The following CDH12 variants were observed in gnomAD, a reference collection of about 807,000 sequenced individuals.
The protein encoded by CDH12 is cadherin 12.
CDH12 carries 41 observed loss-of-function variants against 74.1 expected under a neutral mutation model. The observed-to-expected ratio is 0.55, with a 90% CI of 0.43 to 0.72. CDH12 has a LOEUF of 0.72. Among genes scored for constraint, CDH12 ranks in the 30% least tolerant of loss-of-function variants. CDH12 has a pLI of 0.00. For synonymous variants in CDH12, 399 were observed against 355.0 expected (o/e 1.12, Z -1.39); for missense variants, 945 against 977.2 (o/e 0.97, Z 0.44).
chr5:22,679,111 G>A (rs543876444), intron 1 of CDH12, among the ~76,000 whole-genome samples: 9 of 152,036 alleles, frequency 5.9e-5, no homozygotes, highest in East Asian at 5.8e-4. Flanking sequence ...TAAAACATAC[G>A]CCTCTAGGCA....
intron 3 of CDH12, among the ~76,000 whole-genome samples, chr5:22,224,051 CA>C (rs1752106228): frequency 1.3e-5 from 2 of 152,064 alleles, no homozygotes; most frequent in South Asian, 4.1e-4. Flanking sequence ...TTCTTGCACA[CA>C]AGTGAGTAAT....
rs115185618 is a variant in CDH12, at chr5:22,480,720, G to A, written c.-428+24550C>T. Among the ~76,000 whole-genome samples the A allele has an allele frequency of 8.7e-3, 1,327 of 152,198 alleles. 9 individuals are homozygous for A. The highest frequency in any genetic ancestry group is 0.012 in the Non-Finnish European group (843 of 68,008). On this transcript the variant is annotated intron_variant, in intron 2 of 14. Transcript: ENST00000382254. ...CAAACAAGTTTCCAAAGGTGTTGCCGATCAATAGGACTGCCATAGTTTTTT... is the reference window on the plus strand; with the variant it reads ...CAAACAAGTTTCCAAAGGTGTTGCCAATCAATAGGACTGCCATAGTTTTTT...
At chr5:22,471,211 T>G (rs541345299) in intron 2 of CDH12, among the ~76,000 whole-genome samples, 1 of 152,352 alleles carries the variant, frequency 6.6e-6, no homozygotes, top group East Asian at 1.9e-4. Context: ...CCTAAAGGTA[T>G]GAATGTTCTC....
At chr5:22,254,378 T>A (rs1471494135) in intron 3 of CDH12, among the ~76,000 whole-genome samples, 1 of 151,908 alleles carries the variant, frequency 6.6e-6, no homozygotes, top group Admixed American at 6.6e-5. Context: ...AGTAAGCATA[T>A]TAATGAGTAT....
At chr5:21,883,293 C>G in intron 6 of CDH12, 1 of 1,469,134 alleles carries the variant, frequency 6.8e-7, no homozygotes, top group Non-Finnish European at 9.5e-7. Context: ...ATCAAAAGGT[C>G]AGAAATGTGA....
chr5:22,852,755 C>T (rs1390534890), intron 1 of CDH12, among the ~76,000 whole-genome samples: 3 of 152,208 alleles, frequency 2.0e-5, no homozygotes, highest in Non-Finnish European at 2.9e-5. Context: ...AGCACACCTA[C>T]TTATTTTCAT....
intron 1 of CDH12, among the ~76,000 whole-genome samples, chr5:22,619,731 C>CA (rs5866580): frequency 0.071 from 10,102 of 141,816 alleles, 416 homozygotes; most frequent in East Asian, 0.24. Flanking sequence ...ATTTTCTAAA[C>CA]AAAAAAAAAA....
chr5:22,270,910 G>A (rs571507538), intron 3 of CDH12, among the ~76,000 whole-genome samples: 32 of 152,034 alleles, frequency 2.1e-4, no homozygotes, highest in African/African-American at 6.5e-4. Flanking sequence ...TCCTGACCTC[G>A]TGATCTACCT....
chr5:22,717,371 G>A (rs181804649), intron 1 of CDH12, among the ~76,000 whole-genome samples: 4 of 152,226 alleles, frequency 2.6e-5, no homozygotes, highest in Non-Finnish European at 2.9e-5. Flanking sequence ...GATCAGTAAC[G>A]TAGGAGCAAC....
At chr5:22,043,429 A>G (rs769799639) in intron 5 of CDH12, among the ~76,000 whole-genome samples, 19 of 152,310 alleles carry the variant, frequency 1.2e-4, no homozygotes, top group Middle Eastern at 3.4e-3. Flanking sequence ...CAAATTAGAC[A>G]TCAAATGTAT....
chr5:22,114,777 T>G (rs1744996796), intron 4 of CDH12, among the ~76,000 whole-genome samples: 1 of 152,314 alleles, frequency 6.6e-6, no homozygotes, highest in South Asian at 2.1e-4. Context: ...CACATTGATG[T>G]GCACAAAAGA....
chr5:21,862,361 G>GTTT (rs1490302389), intron 6 of CDH12, among the ~76,000 whole-genome samples: 6 of 152,146 alleles, frequency 3.9e-5, no homozygotes, highest in Admixed American at 1.3e-4. Flanking sequence ...CTGGCACAAT[G>GTTT]TTTCCATTTT....
At position 22,433,545 on chromosome 5, in the gene CDH12, A is replaced by G. The variant is rs183267658; in HGVS notation, c.-427-28194T>C. ...ATTATAATATAAATTAAAAATTAGT[A>G]GAATAAAATTTTAAAATAAAAAATA... On this transcript the variant is annotated intron_variant, in intron 2 of 14. Transcript: ENST00000382254. 8.3e-3 allele frequency among the ~76,000 whole-genome samples: 1,261 copies of G among 152,172 alleles called. 12 individuals carry two copies. The highest frequency in any genetic ancestry group is 0.011 in the Non-Finnish European group (725 of 67,996).
chr5:21,887,084 A>G, intron 6 of CDH12, among the ~76,000 whole-genome samples: 1 of 152,158 alleles, frequency 6.6e-6, no homozygotes, highest in South Asian at 2.1e-4. Flanking sequence ...TTTCAGACTC[A>G]TTCACTCATA....
chr5:22,428,363 A>G (rs1296807275), intron 2 of CDH12, among the ~76,000 whole-genome samples: 1 of 152,044 alleles, frequency 6.6e-6, no homozygotes, highest in Non-Finnish European at 1.5e-5. Flanking sequence ...TATGAACATT[A>G]ATGTTATACT....
chr5:22,294,840 C>T (rs764596083), intron 3 of CDH12, among the ~76,000 whole-genome samples: 14 of 152,190 alleles, frequency 9.2e-5, no homozygotes, highest in Non-Finnish European at 1.3e-4. Context: ...TATTTATCTG[C>T]TTCTTTGAGC....
intron 5 of CDH12, among the ~76,000 whole-genome samples, chr5:21,987,473 G>A (rs1201904222): frequency 6.6e-6 from 1 of 152,128 alleles, no homozygotes; most frequent in East Asian, 1.9e-4. Flanking sequence ...GAGAACAAGA[G>A]GGATAATGCT....
chr5:22,675,870 CATATATAT>C (rs144687047), intron 1 of CDH12, among the ~76,000 whole-genome samples: 4 of 92,158 alleles, frequency 4.3e-5, no homozygotes, highest in South Asian at 3.8e-4. Flanking sequence ...TTTTGTATCT[CATATATAT>C]ATATATATAC....
At chr5:21,825,546 AC>A (rs71607557) in intron 8 of CDH12, among the ~76,000 whole-genome samples, 2 of 152,080 alleles carry the variant, frequency 1.3e-5, no homozygotes, top group Non-Finnish European at 2.9e-5. Flanking sequence ...GATTCTAGTT[AC>A]CCCCATCATT....
Sources: allele counts gnomAD v4.1 joint callset (sites outside exome capture counted in the v4.1 genomes callset), GRCh38; gene constraint gnomAD v4.1.1; transcripts MANE v1.5; gene names NCBI Gene and HGNC (gene_info 2026-07-23, HGNC 2026-07-21).